Variants in RNPEP observed in about 807,000 individuals in gnomAD.
The protein encoded by RNPEP is aminopeptidase B.
Under a neutral mutation model 70.1 loss-of-function variants are expected in RNPEP, and 57 were observed. The ratio of observed to expected loss-of-function variants is 0.81; its 90% CI spans 0.66 to 1.01. The LOEUF is 1.01. Ranked by LOEUF, RNPEP falls within the 50% of genes least tolerant of loss-of-function variation. The pLI is 0.00. For missense variants in RNPEP, 787 were observed against 852.4 expected, an observed-to-expected ratio of 0.92 and a Z score of 0.96; for synonymous variants, 335 against 357.4, an observed-to-expected ratio of 0.94 and a Z score of 0.71.
intron 3 of RNPEP, among the ~76,000 whole-genome samples, chr1:201,991,455 A>G (rs1375656488): frequency 2.0e-5 from 3 of 152,138 alleles, no homozygotes; most frequent in South Asian, 4.2e-4. Context: ...AAGGTATGCC[A>G]CCTATCCCAG....
At chr1:201,987,689 C>T (rs913626267) in intron 1 of RNPEP, among the ~76,000 whole-genome samples, 1 of 151,758 alleles carries the variant, frequency 6.6e-6, no homozygotes, top group Non-Finnish European at 1.5e-5. Flanking sequence ...CCACCTGCGT[C>T]GGACTCCCAA....
chr1:201,988,063 C>G (rs1218789985), intron 1 of RNPEP, among the ~76,000 whole-genome samples: 1 of 151,598 alleles, frequency 6.6e-6, no homozygotes, highest in Non-Finnish European at 1.5e-5. Flanking sequence ...TCGCTTGAAC[C>G]CAGGAGGCGG....
At chr1:201,984,667 G>A (rs1683061382) in intron 1 of RNPEP, among the ~76,000 whole-genome samples, 2 of 151,978 alleles carry the variant, frequency 1.3e-5, no homozygotes, top group African/African-American at 4.8e-5. Context: ...GGTGGAGGGG[G>A]GATGATGGCT....
chr1:201,982,652 A>C lies in RNPEP; in HGVS notation c.-15A>C. ...CGGGTTCGCGGCCCGGCCGGTGAGC[A>C]ACGGCTCTGCGGCCATGGCGAGCGG... On this transcript the variant is annotated 5_prime_UTR_variant, in exon 1 of 11. Coordinates refer to ENST00000295640, the MANE Select transcript of RNPEP (RefSeq NM_020216.4). The C allele has an allele frequency of 2.4e-6, 3 of 1,266,998 alleles. No homozygotes were observed. The highest frequency in any genetic ancestry group is 2.0e-6 in the Non-Finnish European group (2 of 1,007,204). The allele number at this position is 1,266,998 out of a possible 1,614,324, so 78.5% of individuals were successfully genotyped here.
chr1:202,001,528 A>G, intron 7 of RNPEP, 40 bp downstream of exon 7: 4 of 1,521,442 alleles, frequency 2.6e-6, no homozygotes, highest in Non-Finnish European at 3.7e-6. Context: ...GAGCGGATAA[A>G]GCCACTGGGC....
At position 202,005,820 on chromosome 1, in the gene RNPEP, C is replaced by G; in HGVS notation, c.*104C>G. ...CTGATCAACTTCCTGGAGTTTATAT[C>G]CCCTCAGGATAATCTATTCTCTAGC... On this transcript the variant is annotated 3_prime_UTR_variant, in exon 11 of 11. Transcript: ENST00000295640. 1 of 1,313,940 alleles carries G rather than the reference C, an allele frequency of 7.6e-7. No homozygotes were observed. The highest frequency in any genetic ancestry group is 1.1e-6 in the Non-Finnish European group (1 of 928,020). The allele number at this position is 1,313,940 out of a possible 1,614,324, so 81.4% of individuals were successfully genotyped here. A position where few individuals can be genotyped will look rare whatever the true frequency, so the allele number is the denominator to read the frequency against.
At chr1:201,998,307 A>G (rs1034128120) in intron 5 of RNPEP, among the ~76,000 whole-genome samples, 2 of 139,556 alleles carry the variant, frequency 1.4e-5, no homozygotes, top group African/African-American at 2.8e-5. Flanking sequence ...ATCTCGGCTC[A>G]TTGCAACCTC....
In RNPEP at chr1:201,997,382, C is replaced by A; in HGVS notation, c.918C>A (p.Thr306=). The change falls in exon 5 of 11, where the codon ACC becomes ACA. Residue 306 remains threonine, a synonymous_variant. Coordinates refer to ENST00000295640, the MANE Select transcript of RNPEP (RefSeq NM_020216.4). Reference sequence around the variant, plus strand: ...GAGGAATGGAGAACCCTTGTCTGACCTTTGTCACCCCCTGCCTGCTAGCTG... The same window carrying A: ...GAGGAATGGAGAACCCTTGTCTGACATTTGTCACCCCCTGCCTGCTAGCTG... ...PFGGMENPCL[T]FVTPCLLAGD... The A allele has an allele frequency of 6.2e-7, 1 of 1,614,122 alleles. No individual in the cohort carries two copies. Among genetic ancestry groups the A allele is most frequent in the Non-Finnish European group, 8.5e-7 (1 of 1,180,020 alleles).
intron 3 of RNPEP, among the ~76,000 whole-genome samples, chr1:201,990,964 TTTC>T (rs1683310795): frequency 6.6e-6 from 1 of 152,212 alleles, no homozygotes; most frequent in Non-Finnish European, 1.5e-5. Flanking sequence ...GTGATAATGA[TTTC>T]TTTTTATACT....
In RNPEP at chr1:202,005,739, C is replaced by T. The variant is rs1175602804; in HGVS notation, c.*23C>T. 4 of 1,610,836 alleles carry T rather than the reference C, an allele frequency of 2.5e-6. No individual in the cohort carries two copies. The Admixed American group carries it at 5.0e-5, about 20-fold the overall frequency. ...TAGAGGCTCGTGTGCATGGCCCCTGCCTCTTCAGGCTCTCCAGGCTTTCAG... is the reference window on the plus strand; with the variant it reads ...TAGAGGCTCGTGTGCATGGCCCCTGTCTCTTCAGGCTCTCCAGGCTTTCAG... On this transcript the variant is annotated 3_prime_UTR_variant, in exon 11 of 11. Coordinates refer to ENST00000295640, the MANE Select transcript of RNPEP (RefSeq NM_020216.4).
chr1:201,983,709 G>T (rs1683024643), intron 1 of RNPEP: 1 of 1,164,388 alleles, frequency 8.6e-7, no homozygotes, highest in Non-Finnish European at 1.1e-6. Flanking sequence ...CTGGAATTAG[G>T]GTGCTATAAG....
chr1:201,992,617 C>G (rs1325103702), intron 3 of RNPEP, among the ~76,000 whole-genome samples: 2 of 151,998 alleles, frequency 1.3e-5, no homozygotes, highest in East Asian at 3.9e-4. Context: ...CAGTCAAGAC[C>G]CTCCTGACTG....
In RNPEP at chr1:201,996,255, T is replaced by C. The variant is rs1454437610; in HGVS notation, c.846T>C (p.Val282=). ...ATGEKLFGPY[V]WGRYDLLFMP... The stretch of plus-strand genomic sequence containing the variant: ...GAGAGAAGCTTTTTGGACCTTATGT[T>C]TGGGGAAGGTGTGGTATCACATTGA... The change falls in exon 4 of 11, where the codon GTT becomes GTC. Residue 282 remains valine (V), a synonymous_variant. Coordinates refer to ENST00000295640, the MANE Select transcript of RNPEP (RefSeq NM_020216.4). 2 of 1,605,814 alleles carry C rather than the reference T, an allele frequency of 1.2e-6. No individual in the cohort carries two copies. The highest frequency in any genetic ancestry group is 2.7e-5 in the African/African-American group (2 of 74,908).
At position 201,982,750 on chromosome 1, in the gene RNPEP, C is replaced by G; in HGVS notation, c.84C>G (p.Ala28=). ...HSAQAVDVAS[A]SNFRAFELLH... ...CGCAGGCTGTGGACGTGGCCTCGGC[C>G]TCCAACTTCCGGGCCTTTGAGCTGC... The change falls in exon 1 of 11, where the codon GCC becomes GCG. Residue 28 remains alanine (A), a synonymous_variant. Transcript: ENST00000295640. 2 of 1,376,240 alleles carry G rather than the reference C, an allele frequency of 1.5e-6. No homozygotes were observed. Among genetic ancestry groups the G allele is most frequent in the Non-Finnish European group, 1.9e-6 (2 of 1,064,036 alleles). The allele number at this position is 1,376,240 out of a possible 1,614,324, so 85.3% of individuals were successfully genotyped here.
Position 202,003,221 on chromosome 1 carries a change from C to T in RNPEP, c.1427-16C>T. 6.3e-7 allele frequency: 1 copy of T among 1,597,600 alleles called. No homozygotes were observed. The highest frequency in any genetic ancestry group is 8.6e-7 in the Non-Finnish European group (1 of 1,168,014). The stretch of plus-strand genomic sequence containing the variant: ...GGCCAGAGAATTCTGATAGTGTCTT[C>T]TCTCCTCCCAAACAGGTTTTGAGTT... On this transcript the variant is annotated splice_polypyrimidine_tract_variant and intron_variant, in intron 8 of 10. Coordinates refer to ENST00000295640, the MANE Select transcript of RNPEP (RefSeq NM_020216.4).
chr1:201,989,501 G>C lies in RNPEP; in HGVS notation c.707G>C (p.Gly236Ala). 2 of 1,614,192 alleles carry C rather than the reference G, an allele frequency of 1.2e-6. No individual in the cohort carries two copies. Among genetic ancestry groups the C allele is most frequent in the Non-Finnish European group, 1.7e-6 (2 of 1,180,036 alleles). The change falls in exon 3 of 11, where the codon GGA (glycine) becomes GCA (alanine). Residue 236 changes from glycine (G) to alanine (A), a missense_variant. Gly to Ala is a moderately conservative substitution (Grantham distance 60). Coordinates refer to ENST00000295640, the MANE Select transcript of RNPEP (RefSeq NM_020216.4). The stretch of plus-strand genomic sequence containing the variant: ...TCCTATCTGATAGCTTTGGCCATCG[G>C]AGATCTGGTTTCGGCTGAAGTTGGA... Reference protein sequence around the residue: ...IPSYLIALAIGDLVSAEVGPR... With the variant: ...IPSYLIALAIADLVSAEVGPR...
chr1:201,989,396 T>C lies in RNPEP; in HGVS notation c.602T>C (p.Phe201Ser). 6.2e-7 allele frequency: 1 copy of C among 1,614,152 alleles called. No individual in the cohort carries two copies. Among genetic ancestry groups the C allele is most frequent in the Non-Finnish European group, 8.5e-7 (1 of 1,180,008 alleles). ...CTCTGTTGTCAGGTCCCAGATGGCT[T>C]CACAGCTGTGATGAGTGCTAGCACC... ...YSALIEVPDG[F>S]TAVMSASTWE... The change falls in exon 3 of 11, where the codon TTC becomes TCC. Residue 201 changes from phenylalanine to serine, a missense_variant. Phe to Ser is a radical substitution (Grantham distance 155, BLOSUM62 -2). Coordinates refer to ENST00000295640, the MANE Select transcript of RNPEP (RefSeq NM_020216.4).
At chr1:201,986,312 C>T (rs1369316069) in intron 1 of RNPEP, among the ~76,000 whole-genome samples, 2 of 152,062 alleles carry the variant, frequency 1.3e-5, no homozygotes, top group Non-Finnish European at 2.9e-5. Flanking sequence ...CCAGGCTGGT[C>T]TCAAACTCCT....
At chr1:201,998,528 G>A (rs1683657101) in intron 5 of RNPEP, among the ~76,000 whole-genome samples, 1 of 152,152 alleles carries the variant, frequency 6.6e-6, no homozygotes, top group Non-Finnish European at 1.5e-5. Flanking sequence ...CAACAGCTGT[G>A]AGCCACTGCG....
Sources: allele counts gnomAD v4.1 joint callset (sites outside exome capture counted in the v4.1 genomes callset), GRCh38; gene constraint gnomAD v4.1.1; transcripts MANE v1.5; gene names NCBI Gene and HGNC (gene_info 2026-07-23, HGNC 2026-07-21).